SLC48A1: variants seen among roughly 807,000 people sequenced by gnomAD.
SLC48A1 encodes solute carrier family 48 member 1, also known as heme transporter HRG1.
A neutral mutation model predicts 14.8 loss-of-function variants in SLC48A1; 6 were observed. That is an observed-to-expected ratio of 0.41 (90% CI 0.22 to 0.80). The LOEUF is 0.80. SLC48A1 is among the 30% of genes least tolerant of loss of function. SLC48A1 has a pLI of 0.34. For synonymous variants in SLC48A1, 89 were observed against 90.0 expected, an observed-to-expected ratio of 0.99 and a Z score of 0.06; for missense variants, 165 against 204.8, an observed-to-expected ratio of 0.81 and a Z score of 1.19.
chr12:47,772,222 T>C (rs1392593058), upstream of SLC48A1: 1 of 154,756 alleles, frequency 6.5e-6, no homozygotes, highest in East Asian at 1.9e-4. Context: ...AGAGCCCTTG[T>C]TATTGTGCTG....
Position 47,781,189 on chromosome 12 carries a change from A to C in SLC48A1, c.*908A>C. 1 of 257,128 alleles carries C rather than the reference A, an allele frequency of 3.9e-6. No homozygotes were observed. The highest frequency in any genetic ancestry group is 7.8e-6 in the Non-Finnish European group (1 of 128,860). 15.9% of individuals were successfully genotyped at this position (257,128 alleles called of 1,614,324 possible). A position where few individuals can be genotyped will look rare whatever the true frequency, so the allele number is the denominator to read the frequency against. ...CACTCACACACACAGGCATCCATAC[A>C]CCCCAGAAGACTTCCCAAATGAGGC... On this transcript the variant is annotated 3_prime_UTR_variant, in exon 3 of 3. Transcript: ENST00000442218.
intron 2 of SLC48A1, among the ~76,000 whole-genome samples, chr12:47,760,591 A>G (rs1008054506): frequency 2.0e-5 from 3 of 148,850 alleles, no homozygotes; most frequent in African/African-American, 4.9e-5. Flanking sequence ...GAGGCAGGAC[A>G]CTTGTATACA....
upstream of SLC48A1, chr12:47,773,149 G>A (rs1565779880): frequency 2.7e-5 from 26 of 971,392 alleles, no homozygotes; most frequent in Non-Finnish European, 3.2e-5. Context: ...TCCGGCCGGG[G>A]AGGGCGCTGT....
In SLC48A1 at chr12:47,781,141, T is replaced by C. The variant is rs180704509; in HGVS notation, c.*860T>C. Reference sequence around the variant, plus strand: ...CTCCCATGAGTGTGCTAGAGCCAGATAGCCGTGGCCCCCCACCCATCTCAC... The same window carrying C: ...CTCCCATGAGTGTGCTAGAGCCAGACAGCCGTGGCCCCCCACCCATCTCAC... On this transcript the variant is annotated 3_prime_UTR_variant, in exon 3 of 3. Coordinates refer to ENST00000442218, the MANE Select transcript of SLC48A1 (RefSeq NM_017842.3). 1,254 of 322,270 alleles carry C rather than the reference T, an allele frequency of 3.9e-3. 8 individuals are homozygous for C. The highest frequency in any genetic ancestry group is 6.2e-3 in the Non-Finnish European group (1,022 of 164,306). 20.0% of individuals were successfully genotyped at this position (322,270 alleles called of 1,614,324 possible). A position where few individuals can be genotyped will look rare whatever the true frequency, so the allele number is the denominator to read the frequency against.
In SLC48A1 at chr12:47,764,006, C is replaced by T. The variant is rs888740134; in HGVS notation, c.-187+3605C>T. 2.2e-4 allele frequency among the ~76,000 whole-genome samples: 33 copies of T among 152,196 alleles called. 1 individual carries two copies. Among genetic ancestry groups the T allele is most frequent in the Admixed American group, 1.3e-4 (2 of 15,290 alleles). ...GACAGGGTGAGAGAAGCCAGAAGAG[C>T]AGGCGAAGACGGGCAGGGCTGGAGA... On this transcript the variant is annotated intron_variant, in intron 2 of 4. Transcript: ENST00000547002.
chr12:47,777,557 G>A lies in SLC48A1; in HGVS notation c.137-1471G>A, dbSNP rs1942780316. 1.3e-5 allele frequency among the ~76,000 whole-genome samples: 2 copies of A among 152,312 alleles called. No individual in the cohort carries two copies. The highest frequency in any genetic ancestry group is 2.1e-4 in the South Asian group (1 of 4,820). On this transcript the variant is annotated intron_variant, in intron 1 of 2. Coordinates refer to ENST00000442218, the MANE Select transcript of SLC48A1 (RefSeq NM_017842.3). This position sits in a 1 kb window ranked among gnomAD's most constrained non-coding sequence, Gnocchi z 4.5. The stretch of plus-strand genomic sequence containing the variant: ...TGGTTTCTTGGCTTGGAGTCTCATG[G>A]GTTTTTGTTCCTCACTGGACTGTCT...
At chr12:47,759,225 G>T (rs1942286747) in intron 1 of SLC48A1, 2 of 492,694 alleles carry the variant, frequency 4.1e-6, no homozygotes, top group Non-Finnish European at 5.3e-6. Flanking sequence ...CGGGGAGGGG[G>T]TGAGTCACTG....
upstream of SLC48A1, among the ~76,000 whole-genome samples, chr12:47,757,482 C>T (rs1036405287): frequency 2.0e-5 from 3 of 152,130 alleles, no homozygotes; most frequent in Non-Finnish European, 4.4e-5. Flanking sequence ...CGGTGATGCA[C>T]CCAGAACTGT....
chr12:47,758,205 C>A (rs903483945), upstream of SLC48A1: 21 of 1,440,444 alleles, frequency 1.5e-5, no homozygotes, highest in Non-Finnish European at 1.8e-5. Context: ...GGTGCTGCAA[C>A]CCTGCCAGGA....
intron 2 of SLC48A1, among the ~76,000 whole-genome samples, chr12:47,764,861 G>A (rs531861244): frequency 6.6e-5 from 10 of 152,130 alleles, no homozygotes; most frequent in East Asian, 3.9e-4. Flanking sequence ...GGTGGATCAC[G>A]AGGTCAAGAG....
At chr12:47,775,164 A>T (rs1251643478) in intron 1 of SLC48A1, among the ~76,000 whole-genome samples, 2 of 152,128 alleles carry the variant, frequency 1.3e-5, no homozygotes, top group Non-Finnish European at 2.9e-5. Flanking sequence ...TTCCCTCCAG[A>T]TCTGAAATCT....
intron 1 of SLC48A1, among the ~76,000 whole-genome samples, chr12:47,774,633 G>C (rs1942701260): frequency 6.6e-6 from 1 of 152,174 alleles, no homozygotes; most frequent in African/African-American, 2.4e-5. Context: ...TGCCATCCCT[G>C]GGTAGAGTCG....
intron 1 of SLC48A1, among the ~76,000 whole-genome samples, chr12:47,773,665 C>G (rs1942676741): frequency 6.7e-6 from 1 of 149,942 alleles, no homozygotes. Context: ...CTGGGGGTGC[C>G]GACGGCCCGC....
At chr12:47,770,133 T>C (rs1942599376), upstream of SLC48A1, among the ~76,000 whole-genome samples, 1 of 152,260 alleles carries the variant, frequency 6.6e-6, no homozygotes, top group African/African-American at 2.4e-5. Context: ...TGCTCTGCAA[T>C]AGCTCTTCAT....
chr12:47,759,254 A>T, intron 1 of SLC48A1: 1 of 341,866 alleles, frequency 2.9e-6, no homozygotes. Flanking sequence ...CCCGGGAGGG[A>T]AATCCGGGCT....
intron 1 of SLC48A1, among the ~76,000 whole-genome samples, chr12:47,776,089 C>A (rs1405855755): frequency 1.3e-5 from 2 of 152,202 alleles, no homozygotes; most frequent in African/African-American, 4.8e-5. Flanking sequence ...GGACTGTCTT[C>A]CTCCTAGGAA....
chr12:47,758,606 G>A, exon 1 of SLC48A1: 1 of 1,611,906 alleles, frequency 6.2e-7, no homozygotes, highest in Non-Finnish European at 8.5e-7. Flanking sequence ...AAAGGCTGGG[G>A]GGTCCCCAGC....
chr12:47,764,493 G>A (rs148592420), intron 2 of SLC48A1, among the ~76,000 whole-genome samples: 2 of 152,348 alleles, frequency 1.3e-5, no homozygotes, highest in East Asian at 1.9e-4. Flanking sequence ...GCGACTGCAG[G>A]AGCCTGAAAG....
upstream of SLC48A1, among the ~76,000 whole-genome samples, chr12:47,766,729 C>G (rs116162782): frequency 3.0e-3 from 459 of 152,230 alleles, 2 homozygotes; most frequent in African/African-American, 0.011. Context: ...TGTTTCCACT[C>G]AACATCTTCT....
Sources: gnomAD v4.1 joint callset for allele counts (sites outside exome capture counted in the v4.1 genomes callset) on GRCh38, gnomAD v4.1.1 for gene constraint, Gnocchi (gnomAD v3.1) non-coding constraint, MANE v1.5 for transcripts, NCBI Gene and HGNC (gene_info 2026-07-23, HGNC 2026-07-21) for gene names.